Variants in B3GAT1 observed in about 807,000 individuals in gnomAD.
The protein encoded by B3GAT1 is galactosylgalactosylxylosylprotein 3-beta-glucuronosyltransferase 1.
Under a neutral mutation model 28.4 loss-of-function variants are expected in B3GAT1, and 11 were observed. That is an observed-to-expected ratio of 0.39 (90% CI 0.24 to 0.64). The LOEUF (loss-of-function observed/expected upper bound fraction) is 0.64, where lower values mean the gene tolerates loss of function less well. B3GAT1 is among the 30% of genes least tolerant of loss of function. B3GAT1 has a pLI of 0.50. For synonymous variants in B3GAT1, 255 were observed against 223.1 expected (o/e 1.14, Z -1.27); for missense variants, 375 against 491.0 (o/e 0.76, Z 2.23).
intron 1 of B3GAT1, among the ~76,000 whole-genome samples, chr11:134,398,544 G>A (rs1011414546): frequency 1.3e-5 from 2 of 152,216 alleles, no homozygotes; most frequent in African/African-American, 4.8e-5. Context: ...TAATCCCAAA[G>A]GTTTGTTCAT....
intron 1 of B3GAT1, among the ~76,000 whole-genome samples, chr11:134,399,080 T>G (rs1944559631): frequency 6.6e-6 from 1 of 152,148 alleles, no homozygotes; most frequent in Admixed American, 6.5e-5. Context: ...GCAGCCTTCA[T>G]GAGCTGGTGA....
chr11:134,412,182 C>G lies in B3GAT1; in HGVS notation c.-657G>C, dbSNP rs1249712170. 3.5e-5 allele frequency among the ~76,000 whole-genome samples: 5 copies of G among 143,144 alleles called. No individual in the cohort carries two copies. The highest frequency in any genetic ancestry group is 1.3e-4 in the African/African-American group (5 of 39,680). The allele number at this position is 143,144 out of a possible 152,430, so 93.9% of individuals were successfully genotyped here. A position where few individuals can be genotyped will look rare whatever the true frequency, so the allele number is the denominator to read the frequency against. On this transcript the variant is annotated 5_prime_UTR_variant, in exon 1 of 6. Coordinates refer to ENST00000312527, the MANE Select transcript of B3GAT1 (RefSeq NM_054025.3). ...GGGGGGCGCGCGGCCGGAGCCGAGCCGACCGGGCCGGCGCAGAGTCCCCGA... is the reference window on the plus strand; with the variant it reads ...GGGGGGCGCGCGGCCGGAGCCGAGCGGACCGGGCCGGCGCAGAGTCCCCGA...
At position 134,381,944 on chromosome 11, in the gene B3GAT1, C is replaced by G; in HGVS notation, c.999G>C (p.Glu333Asp). The change falls in exon 5 of 6, where the codon GAG (glutamate) becomes GAC (aspartate). Residue 333 changes from glutamate to aspartate, a missense_variant. Glu to Asp is a conservative substitution (Grantham distance 45). Transcript: ENST00000312527. ...CATACCTGCATCCTGAGGCTCAGAT[C>G]TCCACCGAGGGGTCAGTGAAGCCCT... is the stretch of plus-strand genomic sequence containing the variant. ...GKKGFTDPSV[E>D]I The G allele has an allele frequency of 6.2e-7, 1 of 1,614,074 alleles. No homozygotes were observed. Among genetic ancestry groups the G allele is most frequent in the South Asian group, 1.1e-5 (1 of 91,082 alleles).
At position 134,382,006 on chromosome 11, in the gene B3GAT1, G is replaced by A. The variant is rs1036622643; in HGVS notation, c.937C>T (p.Arg313Trp). Reference sequence around the variant, plus strand: ...TTCACCAGCACTGGCTTCTCTGTCCGTGTGTGCCACACCAGGATCTGTGTG... The same window carrying A: ...TTCACCAGCACTGGCTTCTCTGTCCATGTGTGCCACACCAGGATCTGTGTG... Reference protein sequence around the residue: ...NCTKILVWHTRTEKPVLVNEG... With the variant: ...NCTKILVWHTWTEKPVLVNEG... The change falls in exon 5 of 6, where the codon CGG becomes TGG. Residue 313 changes from arginine (R) to tryptophan (W), a missense_variant. Coordinates refer to ENST00000312527, the MANE Select transcript of B3GAT1 (RefSeq NM_054025.3). The A allele has an allele frequency of 9.3e-6, 15 of 1,613,906 alleles. No homozygotes were observed. The highest frequency in any genetic ancestry group is 1.7e-5 in the Admixed American group (1 of 60,002).
chr11:134,404,553 T>G (rs1944690927), intron 1 of B3GAT1, among the ~76,000 whole-genome samples: 1 of 152,172 alleles, frequency 6.6e-6, no homozygotes, highest in Non-Finnish European at 1.5e-5. Flanking sequence ...TGGGCTTCAG[T>G]GAGCATTCAC....
chr11:134,388,646 C>T (rs980186428), intron 1 of B3GAT1: 2 of 152,236 alleles, frequency 1.3e-5, no homozygotes, highest in Non-Finnish European at 2.9e-5. Context: ...GTATTCTTCT[C>T]ATGTTTACAG....
At chr11:134,382,153 T>G in intron 4 of B3GAT1, 129 bp from the exon 5 acceptor site, 17 of 701,482 alleles carry the variant, frequency 2.4e-5, no homozygotes, top group Non-Finnish European at 3.9e-5. Context: ...TTTTCAATTG[T>G]TCCATCAAGA....
At chr11:134,405,676 G>A (rs1480264269) in intron 1 of B3GAT1, among the ~76,000 whole-genome samples, 3 of 152,334 alleles carry the variant, frequency 2.0e-5, no homozygotes, top group South Asian at 2.1e-4. Context: ...CAATCTGCCC[G>A]GGAGGGCACT....
At chr11:134,403,033 G>A (rs182137866) in intron 1 of B3GAT1, among the ~76,000 whole-genome samples, 41 of 152,230 alleles carry the variant, frequency 2.7e-4, no homozygotes, top group Non-Finnish European at 2.4e-4. Flanking sequence ...CGATGATCCC[G>A]CGGTCCTCAG....
intron 1 of B3GAT1, among the ~76,000 whole-genome samples, chr11:134,397,571 A>C (rs938129828): frequency 6.6e-6 from 1 of 151,948 alleles, no homozygotes; most frequent in African/African-American, 2.4e-5. Flanking sequence ...TCCCACCCAG[A>C]GGGCAGTGCC....
chr11:134,394,319 C>T (rs74639401), intron 1 of B3GAT1, among the ~76,000 whole-genome samples: 15,290 of 152,318 alleles, frequency 0.1, 915 homozygotes, highest in Non-Finnish European at 0.14. Context: ...CCCCATTTTG[C>T]ATGTGAGGAC....
chr11:134,407,570 C>G (rs1056445223), intron 1 of B3GAT1, among the ~76,000 whole-genome samples: 2 of 152,266 alleles, frequency 1.3e-5, no homozygotes, highest in Middle Eastern at 3.2e-3. Flanking sequence ...GACTCATACT[C>G]TCCACTTTTG....
chr11:134,404,019 A>ATTTATTTATT (rs1167450945), intron 1 of B3GAT1, among the ~76,000 whole-genome samples: 7 of 113,594 alleles, frequency 6.2e-5, no homozygotes, highest in Admixed American at 4.2e-4. Context: ...ATATATATAT[A>ATTTATTTATT]TATATATATA....
rs913918877 is a variant in B3GAT1, at chr11:134,407,579, T to C, written c.-282+4228A>G. Among the ~76,000 whole-genome samples, 92 of 152,380 alleles carry C rather than the reference T, an allele frequency of 6.0e-4. 1 individual carries two copies. Among genetic ancestry groups the C allele is most frequent in the African/African-American group, 2.2e-3 (90 of 41,598 alleles). On this transcript the variant is annotated intron_variant, in intron 1 of 5. Coordinates refer to ENST00000312527, the MANE Select transcript of B3GAT1 (RefSeq NM_054025.3). ...GATCCAGACTCATACTCTCCACTTTTGCGCTTATCAGAGGTAAAGCCTTAA... is the reference window on the plus strand; with the variant it reads ...GATCCAGACTCATACTCTCCACTTTCGCGCTTATCAGAGGTAAAGCCTTAA...
rs1451839355 is a variant in B3GAT1 at position 134,411,795 on chromosome 11, G to C, written c.-282+12C>G. On this transcript the variant is annotated intron_variant, in intron 1 of 5. Transcript: ENST00000312527. This position sits in a 1 kb window ranked among gnomAD's most constrained non-coding sequence, Gnocchi z 6.0. ...GCGGCGGGGCGCCCGCGGGGGCGCG[G>C]GGAGCACTGACCTGCGGCGACGAGT... 1.3e-5 allele frequency: 2 copies of C among 151,696 alleles called. No homozygotes were observed. The highest frequency in any genetic ancestry group is 2.9e-5 in the Non-Finnish European group (2 of 68,064). The allele number at this position is 151,696 out of a possible 1,614,324, so 9.4% of individuals were successfully genotyped here. A position where few individuals can be genotyped will look rare whatever the true frequency, so the allele number is the denominator to read the frequency against.
chr11:134,411,557 G>A lies in B3GAT1; in HGVS notation c.-282+250C>T, dbSNP rs970562329. Among the ~76,000 whole-genome samples the A allele has an allele frequency of 1.3e-5, 2 of 152,214 alleles. No individual in the cohort carries two copies. The highest frequency in any genetic ancestry group is 2.4e-5 in the African/African-American group (1 of 41,542). On this transcript the variant is annotated intron_variant, in intron 1 of 5. Transcript: ENST00000312527. The surrounding 1 kb of genome is among the most constrained non-coding windows in gnomAD (Gnocchi z 6.0). Reference sequence around the variant, plus strand: ...GAGAACCAGCTCTTCCCCTAATCCCGGTCGACGAGGGCAGGCTGTGCCGGG... The same window carrying A: ...GAGAACCAGCTCTTCCCCTAATCCCAGTCGACGAGGGCAGGCTGTGCCGGG...
intron 1 of B3GAT1, among the ~76,000 whole-genome samples, chr11:134,405,768 C>G (rs1377683521): frequency 1.3e-5 from 2 of 152,214 alleles, no homozygotes; most frequent in East Asian, 3.9e-4. Context: ...TCTGTCCCCT[C>G]ATCTGTGAAA....
At chr11:134,400,854 A>G (rs148303637) in intron 1 of B3GAT1, among the ~76,000 whole-genome samples, 3 of 152,324 alleles carry the variant, frequency 2.0e-5, no homozygotes, top group African/African-American at 7.2e-5. Flanking sequence ...GCATCCAACA[A>G]AGGTCTAACA....
chr11:134,388,080 T>C, intron 1 of B3GAT1, 140 bp from the exon 2 acceptor site: 1 of 380,220 alleles, frequency 2.6e-6, no homozygotes. Flanking sequence ...AGGACCTCTT[T>C]TGTCTGCCTG....
Sources: allele counts gnomAD v4.1 joint callset (sites outside exome capture counted in the v4.1 genomes callset), GRCh38; gene constraint gnomAD v4.1.1; non-coding constraint Gnocchi (gnomAD v3.1); transcripts MANE v1.5; gene names NCBI Gene and HGNC (gene_info 2026-07-23, HGNC 2026-07-21).